The following KCNQ1OT1 variants were observed in gnomAD, a reference collection of about 807,000 sequenced individuals.
KCNQ1OT1 encodes the protein KCNQ1 antisense RNA 2 (non-protein coding).
At chr11:2,609,782 A>C (rs966369306) in exon 1 of KCNQ1OT1, 3 of 390,852 alleles carry the variant, frequency 7.7e-6, no homozygotes, top group African/African-American at 6.6e-5. Flanking sequence ...ATTCATATTT[A>C]ACTTCAGTAA....
exon 1 of KCNQ1OT1, chr11:2,641,185 G>A (rs1362373431): frequency 2.5e-6 from 1 of 398,332 alleles, no homozygotes; most frequent in Non-Finnish European, 4.4e-6. Context: ...TAAATATCCA[G>A]TAGTGAGATT....
exon 1 of KCNQ1OT1, chr11:2,667,621 CTT>C (rs1850103852): frequency 5.0e-6 from 2 of 398,614 alleles, no homozygotes; most frequent in Non-Finnish European, 8.8e-6. Context: ...ATATAGATCT[CTT>C]GTGTGCTCTG....
At position 2,647,144 on chromosome 11, in the gene KCNQ1OT1, T is replaced by A. The variant is rs1036987489; in HGVS notation, n.52851A>T. 11 of 398,416 alleles carry A rather than the reference T, an allele frequency of 2.8e-5. No homozygotes were observed. Among genetic ancestry groups the A allele is most frequent in the Non-Finnish European group, 4.9e-5 (11 of 226,048 alleles). The allele number at this position is 398,416 out of a possible 1,614,324, so 24.7% of individuals were successfully genotyped here. ...TATGACCTTCATTGAGTTATGTTCC[T>A]TCTAGACATTATGTGATGAGCTTTT... On this transcript the variant is annotated non_coding_transcript_exon_variant, in exon 1 of 1. Coordinates refer to ENST00000597346, the Ensembl canonical transcript of KCNQ1OT1. This position sits in a 1 kb window ranked among gnomAD's most constrained non-coding sequence, Gnocchi z 4.0.
At chr11:2,614,290 A>G in exon 1 of KCNQ1OT1, 1 of 398,548 alleles carries the variant, frequency 2.5e-6, no homozygotes, top group East Asian at 3.6e-5. Context: ...GACATTTAAT[A>G]TAGAGTCTTC....
chr11:2,622,719 A>C (rs1393094882), exon 1 of KCNQ1OT1: 9 of 398,318 alleles, frequency 2.3e-5, no homozygotes, highest in Non-Finnish European at 4.0e-5. Context: ...TATTTTAAAG[A>C]CTTTATATTT....
In KCNQ1OT1 at chr11:2,608,470, ATTCCTTT is replaced by A. The variant is rs1848917867; in HGVS notation, n.91518_91524del. The A allele has an allele frequency of 2.5e-6, 1 of 398,326 alleles. No homozygotes were observed. Among genetic ancestry groups the A allele is most frequent in the Non-Finnish European group, 4.4e-6 (1 of 225,978 alleles). The allele number at this position is 398,326 out of a possible 1,614,324, so 24.7% of individuals were successfully genotyped here. A position where few individuals can be genotyped will look rare whatever the true frequency, so the allele number is the denominator to read the frequency against. ...GGTTGGTAGTATACTTCCCTCATTC[ATTCCTTT>A]TTCCTTTTCTTTTTGAGAAACAGAG... On this transcript the variant is annotated non_coding_transcript_exon_variant, in exon 1 of 1. Transcript: ENST00000597346. This position sits in a 1 kb window ranked among gnomAD's most constrained non-coding sequence, Gnocchi z 4.6.
At chr11:2,628,740 T>C (rs939957663) in exon 1 of KCNQ1OT1, 5 of 398,286 alleles carry the variant, frequency 1.3e-5, no homozygotes, top group African/African-American at 1.0e-4. Flanking sequence ...TTTCCCTGTT[T>C]TATAGGTTTT....
exon 1 of KCNQ1OT1, chr11:2,686,371 C>T (rs955008422): frequency 1.3e-5 from 5 of 398,586 alleles, no homozygotes; most frequent in Admixed American, 8.8e-5. Flanking sequence ...TTGGGCTTAT[C>T]AGCAGAGCCA....
In KCNQ1OT1 at chr11:2,623,141, C is replaced by G. The variant is rs1009521904; in HGVS notation, n.76854G>C. ...ACTTCCCATCTCACTTTCTTTCCCT[C>G]TCCTGTTCTGCCATGGTAAAGATGT... On this transcript the variant is annotated non_coding_transcript_exon_variant, in exon 1 of 1. Coordinates refer to ENST00000597346, the Ensembl canonical transcript of KCNQ1OT1. This position sits in a 1 kb window ranked among gnomAD's most constrained non-coding sequence, Gnocchi z 5.2. 4 of 398,564 alleles carry G rather than the reference C, an allele frequency of 1.0e-5. No homozygotes were observed. Among genetic ancestry groups the G allele is most frequent in the African/African-American group, 6.2e-5 (3 of 48,620 alleles). 24.7% of individuals were successfully genotyped at this position (398,564 alleles called of 1,614,324 possible). A position where few individuals can be genotyped will look rare whatever the true frequency, so the allele number is the denominator to read the frequency against.
At chr11:2,630,151 C>T (rs1168118341) in exon 1 of KCNQ1OT1, 9 of 398,126 alleles carry the variant, frequency 2.3e-5, no homozygotes, top group Non-Finnish European at 8.9e-6. Flanking sequence ...ATGTGAACTG[C>T]ATTATTTGCA....
exon 1 of KCNQ1OT1, chr11:2,629,490 T>G (rs76497132): frequency 5.0e-6 from 2 of 398,394 alleles, no homozygotes; most frequent in South Asian, 2.5e-4. Flanking sequence ...GTGGTCCACT[T>G]TGAGTTAATT....
Position 2,663,969 on chromosome 11 carries a change from T to A in KCNQ1OT1, n.36026A>T. ...TGACAGGGCCTGAGAGACCTGAACA[T>A]CCATCCCCAAGCTCTCTGCCCACTT... On this transcript the variant is annotated non_coding_transcript_exon_variant, in exon 1 of 1. Transcript: ENST00000597346. This position sits in a 1 kb window ranked among gnomAD's most constrained non-coding sequence, Gnocchi z 5.2. 2.5e-6 allele frequency: 1 copy of A among 398,702 alleles called. No individual in the cohort carries two copies. Among genetic ancestry groups the A allele is most frequent in the Non-Finnish European group, 4.4e-6 (1 of 226,118 alleles). The allele number at this position is 398,702 out of a possible 1,614,324, so 24.7% of individuals were successfully genotyped here.
exon 1 of KCNQ1OT1, chr11:2,684,534 A>G (rs1170761637): frequency 1.5e-5 from 6 of 398,496 alleles, no homozygotes; most frequent in East Asian, 3.6e-5. Flanking sequence ...TGGAAAAGCA[A>G]TATATTTGAT....
chr11:2,667,544 T>G (rs7120573), exon 1 of KCNQ1OT1: 5,085 of 387,496 alleles, frequency 0.013, 230 homozygotes, highest in African/African-American at 0.098. Context: ...GCACTGATAT[T>G]GTCATGGAGA....
chr11:2,630,488 G>A (rs541218134), exon 1 of KCNQ1OT1: 48 of 398,070 alleles, frequency 1.2e-4, no homozygotes, highest in East Asian at 4.6e-4. Flanking sequence ...TACTTCCCCC[G>A]CTACATTTTA....
rs1446929230 is a variant in KCNQ1OT1, at chr11:2,658,669, C to G, written n.41326G>C. On this transcript the variant is annotated non_coding_transcript_exon_variant, in exon 1 of 1. Coordinates refer to ENST00000597346, the Ensembl canonical transcript of KCNQ1OT1. The surrounding 1 kb of genome is among the most constrained non-coding windows in gnomAD (Gnocchi z 4.9). ...GGGTATCATTGCTTCAGTCTCCTCT[C>G]AGTGGACAGAGCTAGGAAATATATG... The G allele has an allele frequency of 2.0e-5, 8 of 398,384 alleles. No individual in the cohort carries two copies. Among genetic ancestry groups the G allele is most frequent in the Non-Finnish European group, 3.5e-5 (8 of 226,052 alleles). 24.7% of individuals were successfully genotyped at this position (398,384 alleles called of 1,614,324 possible).
chr11:2,649,277 C>A (rs1324512882), exon 1 of KCNQ1OT1: 1 of 398,172 alleles, frequency 2.5e-6, no homozygotes, highest in Admixed American at 4.4e-5. Flanking sequence ...GATTTGTATA[C>A]TTTTGTTTCC....
At position 2,669,863 on chromosome 11, in the gene KCNQ1OT1, A is replaced by G. The variant is rs1041107655; in HGVS notation, n.30132T>C. ...TGGGATACAAATGGGGTCACAACAT[A>G]TGGCTGTCAGCTGCTGTCCTTAATA... On this transcript the variant is annotated non_coding_transcript_exon_variant, in exon 1 of 1. Coordinates refer to ENST00000597346, the Ensembl canonical transcript of KCNQ1OT1. This position sits in a 1 kb window ranked among gnomAD's most constrained non-coding sequence, Gnocchi z 5.6. The G allele has an allele frequency of 1.3e-5, 5 of 398,500 alleles. No homozygotes were observed. In the East Asian group the frequency reaches 1.4e-4, roughly 11 times the overall value. 24.7% of individuals were successfully genotyped at this position (398,500 alleles called of 1,614,324 possible).
In KCNQ1OT1 at chr11:2,612,183, C is replaced by G. The variant is rs901818906; in HGVS notation, n.87812G>C. 9 of 398,534 alleles carry G rather than the reference C, an allele frequency of 2.3e-5. No individual in the cohort carries two copies. The highest frequency in any genetic ancestry group is 1.9e-4 in the African/African-American group (9 of 48,640). 24.7% of individuals were successfully genotyped at this position (398,534 alleles called of 1,614,324 possible). ...TACACAGCAGGAGGTGAGCAGCAGG[C>G]AAGCAAGCATTACTGCCTGAGCTCT... On this transcript the variant is annotated non_coding_transcript_exon_variant, in exon 1 of 1. Coordinates refer to ENST00000597346, the Ensembl canonical transcript of KCNQ1OT1. The surrounding 1 kb of genome is among the most constrained non-coding windows in gnomAD (Gnocchi z 5.5).
Sources: gnomAD v4.1 joint callset for allele counts on GRCh38, gnomAD v4.1.1 for gene constraint, Gnocchi (gnomAD v3.1) non-coding constraint, MANE v1.5 for transcripts, NCBI Gene and HGNC (gene_info 2026-07-23, HGNC 2026-07-21) for gene names.